The following CPA6 variants were observed in gnomAD, a reference collection of about 807,000 sequenced individuals.
CPA6 encodes the protein carboxypeptidase B.
A neutral mutation model predicts 63.3 loss-of-function variants in CPA6; 58 were observed. That is an observed-to-expected ratio of 0.92 (90% CI 0.74 to 1.14). The LOEUF (loss-of-function observed/expected upper bound fraction) is 1.14, where lower values mean the gene tolerates loss of function less well. CPA6 is among the 50% of genes most tolerant of loss of function. CPA6 has a pLI of 0.00. For missense variants in CPA6, 565 were observed against 526.6 expected (o/e 1.07, Z -0.71); for synonymous variants, 185 against 179.0 (o/e 1.03, Z -0.27).
chr8:67,593,502 A>G (rs1442442450), intron 2 of CPA6, among the ~76,000 whole-genome samples: 1 of 152,080 alleles, frequency 6.6e-6, no homozygotes, highest in Non-Finnish European at 1.5e-5. Flanking sequence ...GTCTCCCATT[A>G]TTATTGTGTG....
At position 67,422,643 on chromosome 8, in the gene CPA6, G is replaced by A. The variant is rs1159090680; in HGVS notation, c.1175C>T (p.Pro392Leu). 3 of 1,613,742 alleles carry A rather than the reference G, an allele frequency of 1.9e-6. No homozygotes were observed. The African/African-American group carries it at 4.0e-5, about 22-fold the overall frequency. ...ACGTAGTTCGAAAGCAAATGCATAA[G>A]GTATTCCATTTTTGTAGGCCCAATC... ...SMDWAYKNGI[P>L]YAFAFELRDT... The change falls in exon 11 of 11, where the codon CCT becomes CTT. Residue 392 changes from proline (P) to leucine (L), a missense_variant. Transcript: ENST00000297770.
At chr8:67,508,896 T>C (rs189953438) in intron 5 of CPA6, among the ~76,000 whole-genome samples, 1 of 152,086 alleles carries the variant, frequency 6.6e-6, no homozygotes, top group Admixed American at 6.5e-5. Context: ...TGAAACTGGG[T>C]AGTTATAAAT....
At chr8:67,553,989 T>C (rs1813005357) in intron 2 of CPA6, among the ~76,000 whole-genome samples, 1 of 152,196 alleles carries the variant, frequency 6.6e-6, no homozygotes, top group Admixed American at 6.5e-5. Context: ...TACATGTCTG[T>C]CTACTTATCT....
chr8:67,447,871 A>G (rs1389006089), intron 8 of CPA6, among the ~76,000 whole-genome samples: 2 of 151,956 alleles, frequency 1.3e-5, no homozygotes, highest in Non-Finnish European at 2.9e-5. Flanking sequence ...TGCAACCACT[A>G]CCTCCCAGGT....
intron 8 of CPA6, among the ~76,000 whole-genome samples, chr8:67,438,568 C>A (rs1295567697): frequency 1.3e-5 from 2 of 152,178 alleles, no homozygotes; most frequent in African/African-American, 2.4e-5. Context: ...TTTGCAAACA[C>A]CCCTGAAGAA....
At chr8:67,454,296 T>C (rs576325216) in intron 8 of CPA6, among the ~76,000 whole-genome samples, 49 of 152,202 alleles carry the variant, frequency 3.2e-4, no homozygotes, top group Admixed American at 1.7e-3. Context: ...AGCTCACAAA[T>C]ACTGTTGAAT....
Position 67,422,776 on chromosome 8 carries a change from C to T in CPA6, c.1127-85G>A, listed in dbSNP as rs993373537. ...AAATGTATATACTATAAAGTATCCG[C>T]TTATTAAGCTTTACTAAATCCTTCC... On this transcript the variant is annotated intron_variant, in intron 10 of 10. Transcript: ENST00000297770. 7.2e-6 allele frequency: 7 copies of T among 968,926 alleles called. No individual in the cohort carries two copies. In the African/African-American group the frequency reaches 1.2e-4, roughly 16 times the overall value. 60.0% of individuals were successfully genotyped at this position (968,926 alleles called of 1,614,324 possible).
intron 9 of CPA6, 130 bp from the exon 10 acceptor site, chr8:67,428,261 A>G: frequency 1.8e-6 from 1 of 561,506 alleles, no homozygotes; most frequent in Non-Finnish European, 3.1e-6. Flanking sequence ...CATTAATAAT[A>G]TTATATTACT....
chr8:67,697,033 A>G (rs1168148964), intron 1 of CPA6, among the ~76,000 whole-genome samples: 1 of 152,228 alleles, frequency 6.6e-6, no homozygotes, highest in Non-Finnish European at 1.5e-5. Context: ...ACCATTCTAT[A>G]AGGTGGACAT....
At chr8:67,480,679 A>G (rs926019891) in intron 8 of CPA6, among the ~76,000 whole-genome samples, 5 of 151,330 alleles carry the variant, frequency 3.3e-5, no homozygotes, top group African/African-American at 9.7e-5. Flanking sequence ...TCTCTTGGGT[A>G]TATATATATA....
At position 67,475,868 on chromosome 8, in the gene CPA6, TTTCTTTCTTTCTCCTTTCTTTC is replaced by T. The variant is rs1563967885; in HGVS notation, c.838+7878_838+7899del. The stretch of plus-strand genomic sequence containing the variant: ...CTTTCTTTCTTTCTTTCTTTCTTTC[TTTCTTTCTTTCTCCTTTCTTTC>T]TTTCTTTCTTTCTTTCTTTCTTTCT... On this transcript the variant is annotated intron_variant, in intron 8 of 10. Coordinates refer to ENST00000297770, the MANE Select transcript of CPA6 (RefSeq NM_020361.5). Among the ~76,000 whole-genome samples, 14 of 97,054 alleles carry T rather than the reference TTTCTTTCTTTCTCCTTTCTTTC, an allele frequency of 1.4e-4. 1 individual carries two copies. Among genetic ancestry groups the T allele is most frequent in the African/African-American group, 3.8e-4 (9 of 23,832 alleles). 63.7% of individuals were successfully genotyped at this position (97,054 alleles called of 152,430 possible).
At position 67,642,190 on chromosome 8, in the gene CPA6, C is replaced by T. The variant is rs140085474; in HGVS notation, c.117-17939G>A. 5.4e-3 allele frequency among the ~76,000 whole-genome samples: 826 copies of T among 151,676 alleles called. 2 individuals are homozygous for T. The highest frequency in any genetic ancestry group is 6.7e-3 in the African/African-American group (277 of 41,358). On this transcript the variant is annotated intron_variant, in intron 1 of 10. Coordinates refer to ENST00000297770, the MANE Select transcript of CPA6 (RefSeq NM_020361.5). ...AGAATTAGCTGGGTATGGTGGCGGG[C>T]GCCTGTAATCCCAGCTATTTGGGAG...
intron 8 of CPA6, among the ~76,000 whole-genome samples, chr8:67,447,055 C>CAT (rs112687202): frequency 0.035 from 4,927 of 140,892 alleles, 96 homozygotes; most frequent in Middle Eastern, 0.097. Flanking sequence ...TATACACACA[C>CAT]ATATATATAC....
At chr8:67,549,162 C>G (rs2128972528) in intron 2 of CPA6, among the ~76,000 whole-genome samples, 1 of 152,062 alleles carries the variant, frequency 6.6e-6, no homozygotes, top group East Asian at 1.9e-4. Flanking sequence ...AAAATGAGAG[C>G]AATCATATTT....
chr8:67,646,895 G>A (rs142137620), intron 1 of CPA6, among the ~76,000 whole-genome samples: 1 of 152,274 alleles, frequency 6.6e-6, no homozygotes, highest in East Asian at 1.9e-4. Flanking sequence ...TGTTAGGGAG[G>A]GAGGCAGGCC....
chr8:67,721,313 C>T (rs1419542369), intron 1 of CPA6, among the ~76,000 whole-genome samples: 1 of 152,176 alleles, frequency 6.6e-6, no homozygotes, highest in Admixed American at 6.6e-5. Context: ...CTAAAAGGTT[C>T]CCTTTCAACT....
At chr8:67,460,413 T>C (rs530149777) in intron 8 of CPA6, among the ~76,000 whole-genome samples, 3 of 152,342 alleles carry the variant, frequency 2.0e-5, no homozygotes, top group African/African-American at 7.2e-5. Flanking sequence ...TCTACCATTA[T>C]GGCATAACCT....
At chr8:67,446,242 G>A (rs1810411693) in intron 8 of CPA6, among the ~76,000 whole-genome samples, 2 of 115,536 alleles carry the variant, frequency 1.7e-5, no homozygotes, top group Admixed American at 1.6e-4. Context: ...TCCAGCCTGG[G>A]AGACAGAGCG....
chr8:67,651,996 GT>G (rs1415261521), intron 1 of CPA6, among the ~76,000 whole-genome samples: 3 of 151,550 alleles, frequency 2.0e-5, no homozygotes, highest in East Asian at 3.9e-4. Flanking sequence ...TGCGGTGTTT[GT>G]TTTTTTGTCC....
Sources: allele counts gnomAD v4.1 joint callset (sites outside exome capture counted in the v4.1 genomes callset), GRCh38; gene constraint gnomAD v4.1.1; transcripts MANE v1.5; gene names NCBI Gene and HGNC (gene_info 2026-07-23, HGNC 2026-07-21).